PVALB: variants seen among roughly 807,000 people sequenced by gnomAD.
PVALB encodes the protein parvalbumin alpha.
PVALB carries 11 observed loss-of-function variants against 10.9 expected under a neutral mutation model. That is an observed-to-expected ratio of 1.01 (90% CI 0.63 to 1.67). PVALB has a LOEUF of 1.67. Among genes scored for constraint, PVALB ranks in the 40% most tolerant of loss-of-function variants. The pLI, the probability that PVALB is intolerant of heterozygous loss-of-function variation, is 0.00. For synonymous variants in PVALB, 57 were observed against 50.7 expected (o/e 1.12, Z -0.53); for missense variants, 131 against 136.2 (o/e 0.96, Z 0.19).
At position 36,805,665 on chromosome 22, in the gene PVALB, A is replaced by G. The variant is rs182991238; in HGVS notation, c.305-4747T>C. ...TAGCTCTCTGAGGCTCAGCTTTCTC[A>G]TTTGTAAAGTGGGTATAATAATGCC... is the stretch of plus-strand genomic sequence containing the variant. On this transcript the variant is annotated intron_variant, in intron 3 of 3. Coordinates refer to ENST00000417718, the MANE Select transcript of PVALB (RefSeq NM_001315532.2). Among the ~76,000 whole-genome samples, 7 of 152,214 alleles carry G rather than the reference A, an allele frequency of 4.6e-5. No individual in the cohort carries two copies. The East Asian group carries it at 1.4e-3, about 29-fold the overall frequency.
chr22:36,816,876 C>T (rs1039279859), intron 1 of PVALB, 69 bp downstream of exon 1: 107 of 1,369,414 alleles, frequency 7.8e-5, no homozygotes, highest in African/African-American at 2.4e-4. Context: ...GGCTGCGGGG[C>T]CGGCGGAGTG....
At chr22:36,807,086 G>A (rs1938960962) in intron 3 of PVALB, among the ~76,000 whole-genome samples, 1 of 152,212 alleles carries the variant, frequency 6.6e-6, no homozygotes. Context: ...CATAAGGCCA[G>A]AGCTAGGGAA....
chr22:36,816,975 C>A lies in PVALB; in HGVS notation c.31G>T (p.Asp11Tyr). Residue 11 changes from aspartate to tyrosine, a missense_variant, in exon 1 of 4, where the codon GAC becomes TAC. Asp to Tyr is a radical substitution (Grantham distance 160). Coordinates refer to ENST00000417718, the MANE Select transcript of PVALB (RefSeq NM_001315532.2). The part of the protein sequence containing the change: MSMTDLLNAE[D>Y]IKKAVGAFSA... ...AAGGCTCCCACCGCCTTCTTGATGT[C>A]CTCAGCGTTCAGCAAGTCTGTCATC... 6.2e-7 allele frequency: 1 copy of A among 1,609,906 alleles called. No individual in the cohort carries two copies. The highest frequency in any genetic ancestry group is 8.5e-7 in the Non-Finnish European group (1 of 1,178,862).
At chr22:36,813,384 A>C in intron 3 of PVALB, 1 of 439,318 alleles carries the variant, frequency 2.3e-6, no homozygotes, top group Non-Finnish European at 4.1e-6. Flanking sequence ...AAAAATCCCA[A>C]ATCCTCCTGG....
In PVALB at chr22:36,804,559, G is replaced by C. The variant is rs1432023032; in HGVS notation, c.305-3641C>G. Among the ~76,000 whole-genome samples, 3 of 152,220 alleles carry C rather than the reference G, an allele frequency of 2.0e-5. No individual in the cohort carries two copies. In the South Asian group the frequency reaches 6.2e-4, roughly 31 times the overall value. On this transcript the variant is annotated intron_variant, in intron 3 of 3. Transcript: ENST00000417718. ...TGCCTTTCCTATCTGCCTCAGGGCT[G>C]AGCTCTTAGGAGCCAGCCAATTAAC... is the stretch of plus-strand genomic sequence containing the variant.
intron 2 of PVALB, among the ~76,000 whole-genome samples, chr22:36,814,344 C>T (rs549056182): frequency 4.0e-5 from 6 of 151,664 alleles, no homozygotes; most frequent in Admixed American, 6.6e-5. Flanking sequence ...GTGGGTAGAA[C>T]GTGAAGATTC....
intron 3 of PVALB, among the ~76,000 whole-genome samples, chr22:36,809,271 C>A (rs1223222219): frequency 6.6e-6 from 1 of 152,212 alleles, no homozygotes; most frequent in East Asian, 1.9e-4. Flanking sequence ...TTCATTCATT[C>A]ATTCAACCAA....
chr22:36,806,779 T>C (rs763908219), intron 3 of PVALB, among the ~76,000 whole-genome samples: 1 of 152,140 alleles, frequency 6.6e-6, no homozygotes, highest in Non-Finnish European at 1.5e-5. Context: ...TTCCATTTCA[T>C]CCTCGTCGGC....
At chr22:36,811,462 G>A in intron 3 of PVALB, 1 of 470,570 alleles carries the variant, frequency 2.1e-6, no homozygotes, top group Non-Finnish European at 4.4e-6. Flanking sequence ...AAATGGGCCT[G>A]AATTATTTTT....
chr22:36,809,855 G>GT (rs58451670), intron 3 of PVALB, among the ~76,000 whole-genome samples: 26,448 of 121,912 alleles, frequency 0.22, 3,011 homozygotes, highest in Non-Finnish European at 0.24. Flanking sequence ...CATGTCCCAT[G>GT]TTTTTTTTTT....
chr22:36,815,425 C>T, intron 1 of PVALB, 190 bp from the exon 2 acceptor site: 3 of 741,772 alleles, frequency 4.0e-6, no homozygotes, highest in Admixed American at 5.6e-5. Context: ...GGTCACAAGG[C>T]TGGGAGTGGA....
intron 2 of PVALB, among the ~76,000 whole-genome samples, chr22:36,814,496 A>G (rs1056605605): frequency 6.6e-6 from 1 of 152,148 alleles, no homozygotes; most frequent in Non-Finnish European, 1.5e-5. Context: ...AGAAAGTGAC[A>G]TAAGGCAACC....
intron 3 of PVALB, among the ~76,000 whole-genome samples, chr22:36,812,639 G>A (rs1032565451): frequency 1.7e-4 from 20 of 119,412 alleles, no homozygotes; most frequent in African/African-American, 7.5e-4. Flanking sequence ...CACACAGCTC[G>A]AAAGTGGTAG....
intron 3 of PVALB, among the ~76,000 whole-genome samples, chr22:36,813,262 A>T (rs1015461476): frequency 6.6e-6 from 1 of 152,104 alleles, no homozygotes; most frequent in Admixed American, 6.5e-5. Context: ...GTTGGATTAG[A>T]GATGGGAGAC....
intron 3 of PVALB, among the ~76,000 whole-genome samples, chr22:36,803,898 G>A (rs1938911404): frequency 6.6e-6 from 1 of 152,190 alleles, no homozygotes; most frequent in Admixed American, 6.5e-5. Context: ...CCAGGACTTG[G>A]CCTCTGGCCT....
chr22:36,802,918 A>T (rs931665506), intron 3 of PVALB, among the ~76,000 whole-genome samples: 2 of 152,168 alleles, frequency 1.3e-5, no homozygotes, highest in Non-Finnish European at 2.9e-5. Context: ...AATCCCTCCC[A>T]TAGGGCAGGC....
chr22:36,809,293 T>C (rs1939010298), intron 3 of PVALB, among the ~76,000 whole-genome samples: 1 of 152,190 alleles, frequency 6.6e-6, no homozygotes, highest in Non-Finnish European at 1.5e-5. Context: ...TACACTTTTC[T>C]TTTTCTCCCA....
intron 1 of PVALB, chr22:36,815,519 G>A: frequency 2.3e-6 from 1 of 430,796 alleles, no homozygotes; most frequent in Non-Finnish European, 4.3e-6. Flanking sequence ...CTGATGATGG[G>A]AGCAGCACCT....
At chr22:36,804,998 A>G (rs1325121651) in intron 3 of PVALB, among the ~76,000 whole-genome samples, 2 of 152,206 alleles carry the variant, frequency 1.3e-5, no homozygotes, top group Non-Finnish European at 2.9e-5. Context: ...ACTCTAGGTC[A>G]GCTGAATTGG....
Sources: allele counts gnomAD v4.1 joint callset (sites outside exome capture counted in the v4.1 genomes callset), GRCh38; gene constraint gnomAD v4.1.1; transcripts MANE v1.5; gene names NCBI Gene and HGNC (gene_info 2026-07-23, HGNC 2026-07-21).